Variants in CARD8 observed in about 807,000 individuals in gnomAD.
CARD8 encodes caspase recruitment domain family member 8, also known as caspase recruitment domain-containing protein 8.
A neutral mutation model predicts 53.2 loss-of-function variants in CARD8; 38 were observed. The observed-to-expected ratio is 0.71, with a 90% CI of 0.55 to 0.94. CARD8 has a LOEUF of 0.94. CARD8 is among the 40% of genes least tolerant of loss of function. The probability of loss-of-function intolerance (pLI) is 0.00; values close to 1 mark genes in which losing one functional copy is unlikely to be tolerated. For synonymous variants in CARD8, 245 were observed against 244.9 expected, an observed-to-expected ratio of 1.00 and a Z score of 0.00; for missense variants, 561 against 655.5, an observed-to-expected ratio of 0.86 and a Z score of 1.57.
At chr19:48,221,894 A>C (rs1385392712) in intron 10 of CARD8, 39 bp from the exon 11 acceptor site, 2 of 1,538,608 alleles carry the variant, frequency 1.3e-6, no homozygotes, top group Middle Eastern at 3.5e-4. Context: ...GAGCACAAAA[A>C]ATAGTAAAGC....
chr19:48,218,810 C>T (rs1036950491), intron 12 of CARD8, 61 bp downstream of exon 12: 2 of 1,533,248 alleles, frequency 1.3e-6, no homozygotes, highest in Admixed American at 3.8e-5. Flanking sequence ...CTTTGAAATC[C>T]AAGGATAGAG....
chr19:48,223,499 T>A (rs2041113827), intron 10 of CARD8, among the ~76,000 whole-genome samples: 1 of 152,222 alleles, frequency 6.6e-6, no homozygotes, highest in East Asian at 1.9e-4. Flanking sequence ...ATCACATATA[T>A]GTTTAGAAAA....
At chr19:48,239,926 T>C (rs2044651369) in intron 4 of CARD8, among the ~76,000 whole-genome samples, 1 of 152,136 alleles carries the variant, frequency 6.6e-6, no homozygotes, top group African/African-American at 2.4e-5. Context: ...TCTTGTTCTG[T>C]CCAAGCATGG....
chr19:48,244,416 T>C (rs2045757612), intron 3 of CARD8, among the ~76,000 whole-genome samples: 3 of 152,176 alleles, frequency 2.0e-5, no homozygotes, highest in Non-Finnish European at 4.4e-5. Context: ...GGGTGAAGCA[T>C]GGCGGAGGAA....
chr19:48,220,613 T>C (rs2040287967), intron 11 of CARD8, among the ~76,000 whole-genome samples: 1 of 152,122 alleles, frequency 6.6e-6, no homozygotes, highest in Non-Finnish European at 1.5e-5. Context: ...CTGTGAGACA[T>C]CTTTGAAAAT....
At chr19:48,243,382 T>C (rs542358631) in intron 3 of CARD8, among the ~76,000 whole-genome samples, 1 of 152,302 alleles carries the variant, frequency 6.6e-6, no homozygotes, top group South Asian at 2.1e-4. Context: ...CCACTGAATT[T>C]ATCTGCAATA....
At chr19:48,224,629 T>C (rs545078532) in intron 10 of CARD8, among the ~76,000 whole-genome samples, 179 of 152,240 alleles carry the variant, frequency 1.2e-3, no homozygotes, top group African/African-American at 4.1e-3. Context: ...TGGTTTGAAG[T>C]GAAGAAGAGG....
rs1190691245 is a variant in CARD8, at chr19:48,217,085, AC to A, written c.1304-1702del. On this transcript the variant is annotated intron_variant, in intron 12 of 13. Coordinates refer to ENST00000651546, the MANE Select transcript of CARD8 (RefSeq NM_001184900.3). ...AGTTCACAATAGGGTTCGCGCTCCTACGAGAATGTAATGCCACCACTGATCC... is the reference window on the plus strand; with the variant it reads ...AGTTCACAATAGGGTTCGCGCTCCTAGAGAATGTAATGCCACCACTGATCC... 7.2e-5 allele frequency among the ~76,000 whole-genome samples: 11 copies of A among 152,112 alleles called. No homozygotes were observed. In the East Asian group the frequency reaches 1.9e-3, roughly 27 times the overall value.
chr19:48,250,199 A>G (rs1238819467), intron 1 of CARD8, among the ~76,000 whole-genome samples: 2 of 152,196 alleles, frequency 1.3e-5, no homozygotes, highest in Admixed American at 6.5e-5. Context: ...TTGGGAATAG[A>G]TATGCCATAT....
chr19:48,239,517 C>T (rs1192444721), intron 4 of CARD8, among the ~76,000 whole-genome samples: 1 of 150,382 alleles, frequency 6.6e-6, no homozygotes, highest in Non-Finnish European at 1.5e-5. Flanking sequence ...CTGTTGTCGC[C>T]CAGGCTGGAG....
intron 12 of CARD8, among the ~76,000 whole-genome samples, chr19:48,216,708 A>G (rs2039385478): frequency 6.6e-6 from 1 of 152,184 alleles, no homozygotes; most frequent in Non-Finnish European, 1.5e-5. Context: ...AAGGAAGATC[A>G]GTGACTGAGG....
At chr19:48,207,732 C>CTGTTTTTTTTTTTGT (rs1555790094), downstream of CARD8, among the ~76,000 whole-genome samples, 11 of 91,276 alleles carry the variant, frequency 1.2e-4, no homozygotes, top group Non-Finnish European at 2.3e-4. Context: ...TGTTGTTTTT[C>CTGTTTTTTTTTTTGT]TGTTTTTTTT....
chr19:48,228,277 T>C (rs1183956041), intron 10 of CARD8, among the ~76,000 whole-genome samples: 1 of 152,204 alleles, frequency 6.6e-6, no homozygotes, highest in African/African-American at 2.4e-5. Context: ...ATAATCGAAA[T>C]AAAGTGCACA....
At chr19:48,235,318 ACCTG>A (rs1396297124) in intron 5 of CARD8, among the ~76,000 whole-genome samples, 1 of 152,134 alleles carries the variant, frequency 6.6e-6, no homozygotes, top group African/African-American at 2.4e-5. Flanking sequence ...CACTAGCCAC[ACCTG>A]CCTATTTACA....
downstream of CARD8, chr19:48,203,962 G>C (rs960975405): frequency 1.2e-5 from 4 of 326,856 alleles, no homozygotes; most frequent in Non-Finnish European, 2.4e-5. Context: ...TGCTGAGTGT[G>C]AGGGCCTGCG....
At chr19:48,215,478 T>C in intron 12 of CARD8, 94 bp from the exon 13 acceptor site, 1 of 839,212 alleles carries the variant, frequency 1.2e-6, no homozygotes, top group African/African-American at 1.7e-5. Flanking sequence ...CTGAAATAAT[T>C]TAATTCTACA....
Position 48,208,962 on chromosome 19 carries a change from T to C in CARD8, c.*2748A>G, listed in dbSNP as rs71357807. 42,134 of 125,810 alleles carry C rather than the reference T, an allele frequency of 0.33. 6,861 individuals are homozygous for C. The highest frequency in any genetic ancestry group is 0.54 in the East Asian group (2,360 of 4,388). The allele number at this position is 125,810 out of a possible 1,614,324, so 7.8% of individuals were successfully genotyped here. A position where few individuals can be genotyped will look rare whatever the true frequency, so the allele number is the denominator to read the frequency against. On this transcript the variant is annotated 3_prime_UTR_variant, in exon 14 of 14. Coordinates refer to ENST00000651546, the MANE Select transcript of CARD8 (RefSeq NM_001184900.3). ...TCACACCACTGCACTCCAGCCTAGATGACAGAGCGAGACTCCATCTCAAAA... is the reference window on the plus strand; with the variant it reads ...TCACACCACTGCACTCCAGCCTAGACGACAGAGCGAGACTCCATCTCAAAA...
At chr19:48,236,937 G>A (rs1328374304) in intron 5 of CARD8, among the ~76,000 whole-genome samples, 2 of 152,012 alleles carry the variant, frequency 1.3e-5, no homozygotes, top group South Asian at 2.1e-4. Flanking sequence ...CACCAAGCCC[G>A]GCTAATTCTG....
At position 48,230,853 on chromosome 19, in the gene CARD8, G is replaced by A. The variant is rs1476678423; in HGVS notation, c.696C>T (p.Gly232=). ...LQHHEQWLVG[G]PLFDVTAEPE... Reference sequence around the variant, plus strand: ...GCTCTGCAGTGACATCAAACAAGGGGCCGCCCACCAGCCACTGTTCATGGT... The same window carrying A: ...GCTCTGCAGTGACATCAAACAAGGGACCGCCCACCAGCCACTGTTCATGGT... Residue 232 remains glycine, a synonymous_variant, in exon 9 of 14, where the codon GGC becomes GGT. Coordinates refer to ENST00000651546, the MANE Select transcript of CARD8 (RefSeq NM_001184900.3). 1 of 1,614,138 alleles carries A rather than the reference G, an allele frequency of 6.2e-7. No homozygotes were observed. The highest frequency in any genetic ancestry group is 1.3e-5 in the African/African-American group (1 of 75,030).
Sources: allele counts gnomAD v4.1 joint callset (sites outside exome capture counted in the v4.1 genomes callset), GRCh38; gene constraint gnomAD v4.1.1; transcripts MANE v1.5; gene names NCBI Gene and HGNC (gene_info 2026-07-23, HGNC 2026-07-21).